PTPRH: variants seen among roughly 807,000 people sequenced by gnomAD.
PTPRH encodes receptor-type tyrosine-protein phosphatase H.
A neutral mutation model predicts 130.2 loss-of-function variants in PTPRH; 113 were observed. That is an observed-to-expected ratio of 0.87 (90% CI 0.75 to 1.01). The LOEUF is 1.01. Among genes scored for constraint, PTPRH ranks in the 50% least tolerant of loss-of-function variants. The pLI, the probability that PTPRH is intolerant of heterozygous loss-of-function variation, is 0.00. For missense variants in PTPRH, 1,430 were observed against 1,425.0 expected, an observed-to-expected ratio of 1.00 and a Z score of -0.06; for synonymous variants, 556 against 577.9, an observed-to-expected ratio of 0.96 and a Z score of 0.54.
At chr19:55,194,022 G>GT (rs1421412450) in intron 10 of PTPRH, 3 of 501,138 alleles carry the variant, frequency 6.0e-6, no homozygotes, top group African/African-American at 2.0e-5. Context: ...CTAATTTTTT[G>GT]TATTTTTAGT....
chr19:55,200,412 T>A lies in PTPRH; in HGVS notation c.1244A>T (p.Gln415Leu), dbSNP rs770004130. The A allele has an allele frequency of 2.5e-6, 4 of 1,614,212 alleles. No individual in the cohort carries two copies. The highest frequency in any genetic ancestry group is 8.5e-7 in the Non-Finnish European group (1 of 1,180,036). ...CWEVPDGPYP[Q>L]DYTYWVEYTG... ...GTACTCTACCCAGTAGGTGTAGTCC[T>A]GAGGGTATGGGCCATCGGGGACTTC... is the stretch of plus-strand genomic sequence containing the variant. The change falls in exon 7 of 20, where the codon CAG becomes CTG. Residue 415 changes from glutamine to leucine, a missense_variant. Physicochemically the swap from Gln to Leu is moderately radical, Grantham distance 113. Coordinates refer to ENST00000376350, the MANE Select transcript of PTPRH (RefSeq NM_002842.5).
At position 55,209,460 on chromosome 19, in the gene PTPRH, G is replaced by A; in HGVS notation, c.-27C>T. 2 of 1,506,070 alleles carry A rather than the reference G, an allele frequency of 1.3e-6. No individual in the cohort carries two copies. Among genetic ancestry groups the A allele is most frequent in the Non-Finnish European group, 1.8e-6 (2 of 1,105,156 alleles). 93.3% of individuals were successfully genotyped at this position (1,506,070 alleles called of 1,614,324 possible). ...CCTCCAGACACTGCCGGGGACCCAG[G>A]AGTCCCAGGCCTAGTCCTTCCACCT... On this transcript the variant is annotated 5_prime_UTR_variant, in exon 1 of 20. Transcript: ENST00000376350. This position sits in a 1 kb window ranked among gnomAD's most constrained non-coding sequence, Gnocchi z 4.1.
rs567297853 is a variant in PTPRH at position 55,182,429 on chromosome 19, C to T, written c.3063-278G>A. ...ATCCCAGCTACTTGGGAGGCTGAGG[C>T]GAAGAATCGCTTGAACCCAGGAGGT... On this transcript the variant is annotated intron_variant, in intron 18 of 19. Transcript: ENST00000376350. Among the ~76,000 whole-genome samples the T allele has an allele frequency of 3.9e-5, 6 of 152,140 alleles. No homozygotes were observed. In the East Asian group the frequency reaches 7.8e-4, roughly 20 times the overall value.
chr19:55,195,520 C>T (rs555337185), intron 10 of PTPRH, among the ~76,000 whole-genome samples: 5 of 151,986 alleles, frequency 3.3e-5, no homozygotes, highest in African/African-American at 1.2e-4. Context: ...AACAAAAAAA[C>T]AAATTATGCT....
chr19:55,196,201 G>A (rs972186963), intron 10 of PTPRH, among the ~76,000 whole-genome samples: 6 of 151,876 alleles, frequency 4.0e-5, no homozygotes, highest in African/African-American at 1.2e-4. Flanking sequence ...CAGCCTGGCC[G>A]ACATGGTGAA....
chr19:55,188,231 G>C, intron 12 of PTPRH, 63 bp from the exon 13 acceptor site: 2 of 1,338,142 alleles, frequency 1.5e-6, no homozygotes, highest in Non-Finnish European at 2.1e-6. Flanking sequence ...CACTTTTGAG[G>C]GCTGGGCATG....
At chr19:55,205,639 C>G in intron 3 of PTPRH, 47 bp from the exon 4 acceptor site, 2 of 1,603,682 alleles carry the variant, frequency 1.2e-6, no homozygotes, top group Non-Finnish European at 1.7e-6. Flanking sequence ...TTCTGGCCCT[C>G]AAACTTTCCA....
intron 18 of PTPRH, among the ~76,000 whole-genome samples, chr19:55,183,816 T>C (rs1179123290): frequency 1.3e-5 from 2 of 152,310 alleles, no homozygotes; most frequent in South Asian, 2.1e-4. Context: ...AACACTTTCA[T>C]CACCCCTAAA....
In PTPRH at chr19:55,191,525, G is replaced by A. The variant is rs780234674; in HGVS notation, c.2360C>T (p.Pro787Leu). Residue 787 changes from proline to leucine, a missense_variant, in exon 12 of 20, where the codon CCA becomes CTA. By Grantham distance (98) the Pro-to-Leu change is moderately conservative (BLOSUM62 -3). Transcript: ENST00000376350. ...KRRNKKKQQKPELRDLVFSSP... is the reference protein window; with the variant it reads ...KRRNKKKQQKLELRDLVFSSP... ...CCTAAAGACCAGATCCCTGAGTTCT[G>A]GTTTCTGCTGCTTCTTCTTATTCCT... is the stretch of plus-strand genomic sequence containing the variant. 1 of 1,614,150 alleles carries A rather than the reference G, an allele frequency of 6.2e-7. No individual in the cohort carries two copies. Among genetic ancestry groups the A allele is most frequent in the Admixed American group, 1.7e-5 (1 of 60,016 alleles).
rs2087014260 is a variant in PTPRH at position 55,205,394 on chromosome 19, T to C, written c.551A>G (p.Tyr184Cys). Residue 184 changes from tyrosine (Y) to cysteine (C), a missense_variant, in exon 4 of 20, where the codon TAT becomes TGT. Tyr to Cys is a radical substitution (Grantham distance 194). Transcript: ENST00000376350. ...TVDGLEPGCL[Y>C]AFSMWVGKNG... ...CTTTCCCACCCACATGGAAAACGCA[T>C]ACAAACACCCGGGTTCAAGTCCATC... The C allele has an allele frequency of 6.2e-7, 1 of 1,614,222 alleles. No individual in the cohort carries two copies. The highest frequency in any genetic ancestry group is 8.5e-7 in the Non-Finnish European group (1 of 1,180,036).
intron 1 of PTPRH, 167 bp from the exon 2 acceptor site, chr19:55,207,366 G>T: frequency 2.9e-6 from 2 of 691,078 alleles, no homozygotes; most frequent in Non-Finnish European, 4.9e-6. Flanking sequence ...GTCTTTCCTG[G>T]GTCGAGGAGA....
intron 17 of PTPRH, 89 bp downstream of exon 17, chr19:55,185,773 T>C (rs2086302397): frequency 1.2e-6 from 2 of 1,602,722 alleles, no homozygotes; most frequent in African/African-American, 1.3e-5. Context: ...GAGGAGTGGG[T>C]GGAAGGTTGG....
At chr19:55,185,694 G>A in intron 17 of PTPRH, 32 bp from the exon 18 acceptor site, 1 of 1,610,374 alleles carries the variant, frequency 6.2e-7, no homozygotes, top group Non-Finnish European at 8.5e-7. Flanking sequence ...AGGCTCTGGA[G>A]ATGAATGTAG....
At chr19:55,184,629 A>G (rs1390583428) in intron 18 of PTPRH, among the ~76,000 whole-genome samples, 1 of 151,656 alleles carries the variant, frequency 6.6e-6, no homozygotes, top group Non-Finnish European at 1.5e-5. Flanking sequence ...TCTACTAAAA[A>G]TACAAAAATT....
At chr19:55,202,371 A>G (rs12462430) in intron 5 of PTPRH, 49 bp from the exon 6 acceptor site, 93,420 of 1,603,490 alleles carry the variant, frequency 0.058, 7,697 homozygotes, top group Admixed American at 0.35. Context: ...CTGGCCCTCA[A>G]ACTTTCCAGC....
chr19:55,200,711 G>A (rs1334623096), intron 6 of PTPRH, among the ~76,000 whole-genome samples: 1 of 152,166 alleles, frequency 6.6e-6, no homozygotes, highest in Non-Finnish European at 1.5e-5. Flanking sequence ...GGGAGGCTGA[G>A]GCAAGGGGAT....
At chr19:55,195,260 G>A (rs550197336) in intron 10 of PTPRH, among the ~76,000 whole-genome samples, 2 of 152,308 alleles carry the variant, frequency 1.3e-5, no homozygotes, top group South Asian at 4.1e-4. Flanking sequence ...GGGAGGTGGA[G>A]GTTGCAGTGA....
intron 12 of PTPRH, among the ~76,000 whole-genome samples, chr19:55,190,495 ATATAT>A (rs1042503965): frequency 8.5e-5 from 12 of 140,544 alleles, no homozygotes; most frequent in Middle Eastern, 3.6e-3. Context: ...TATATAATTT[ATATAT>A]TATATTATAT....
intron 18 of PTPRH, 107 bp from the exon 19 acceptor site, chr19:55,182,258 G>T: frequency 7.7e-7 from 1 of 1,301,246 alleles, no homozygotes; most frequent in Non-Finnish European, 1.1e-6. Flanking sequence ...AACTATGCCT[G>T]CTCACACCTG....
Sources: allele counts gnomAD v4.1 joint callset (sites outside exome capture counted in the v4.1 genomes callset), GRCh38; gene constraint gnomAD v4.1.1; non-coding constraint Gnocchi (gnomAD v3.1); transcripts MANE v1.5; gene names NCBI Gene and HGNC (gene_info 2026-07-23, HGNC 2026-07-21).